Variants in LOXHD1 observed in about 807,000 individuals in gnomAD.
The protein encoded by LOXHD1 is lipoxygenase homology PLAT domains 1.
In LOXHD1, 205 loss-of-function variants were observed where a neutral mutation model predicts 248.2. The ratio of observed to expected loss-of-function variants is 0.83; its 90% CI spans 0.74 to 0.93. LOXHD1 has a LOEUF of 0.93. Ranked by LOEUF, LOXHD1 falls within the 40% of genes least tolerant of loss-of-function variation. The probability of loss-of-function intolerance (pLI) is 0.00; values close to 1 mark genes in which losing one functional copy is unlikely to be tolerated. For synonymous variants in LOXHD1, 1,113 were observed against 1,162.8 expected (o/e 0.96, Z 0.87); for missense variants, 2,930 against 2,971.6 (o/e 0.99, Z 0.33).
intron 28 of LOXHD1, among the ~76,000 whole-genome samples, chr18:46,531,356 C>A (rs946535957): frequency 6.6e-6 from 1 of 152,186 alleles, no homozygotes; most frequent in African/African-American, 2.4e-5. Context: ...TACTGACCTG[C>A]GGTGACATTA....
At chr18:46,565,055 G>A (rs2037610290) in intron 17 of LOXHD1, among the ~76,000 whole-genome samples, 1 of 152,148 alleles carries the variant, frequency 6.6e-6, no homozygotes, top group South Asian at 2.1e-4. Flanking sequence ...CTGGGGGTCA[G>A]GAGTTGGAGA....
Position 46,513,288 on chromosome 18 carries a change from C to G in LOXHD1, c.5400-3473G>C, listed in dbSNP as rs2035071764. On this transcript the variant is annotated intron_variant, in intron 34 of 40. Transcript: ENST00000642948. ...GTGACAGAATTTTCAGATCCATGCTCTGTGGATTGTAGCCCCTGTGGTAGG... is the reference window on the plus strand; with the variant it reads ...GTGACAGAATTTTCAGATCCATGCTGTGTGGATTGTAGCCCCTGTGGTAGG... 2.6e-5 allele frequency among the ~76,000 whole-genome samples: 4 copies of G among 152,234 alleles called. 1 individual carries two copies. In the South Asian group the frequency reaches 8.3e-4, roughly 31 times the overall value.
intron 37 of LOXHD1, among the ~76,000 whole-genome samples, chr18:46,495,385 T>C (rs1335917916): frequency 6.6e-6 from 1 of 152,184 alleles, no homozygotes; most frequent in Non-Finnish European, 1.5e-5. Context: ...TGAGGGACTT[T>C]TTTAACAGAA....
chr18:46,649,365 GCA>G, intron 1 of LOXHD1, 96 bp from the exon 2 acceptor site: 1 of 1,035,280 alleles, frequency 9.7e-7, no homozygotes, highest in Non-Finnish European at 1.4e-6. Flanking sequence ...GGAGGCCCAA[GCA>G]CAAAGGACTC....
intron 33 of LOXHD1, chr18:46,519,022 C>A: frequency 2.0e-6 from 2 of 985,486 alleles, no homozygotes; most frequent in Non-Finnish European, 2.4e-6. Context: ...GAGGGTGAGG[C>A]GCAGCCTGCT....
chr18:46,609,107 C>G (rs1202917459), intron 6 of LOXHD1, among the ~76,000 whole-genome samples: 3 of 152,224 alleles, frequency 2.0e-5, no homozygotes, highest in Non-Finnish European at 4.4e-5. Flanking sequence ...CTTGTCAAAG[C>G]CTTTATCCCC....
chr18:46,633,890 A>G (rs2038859458), intron 4 of LOXHD1, among the ~76,000 whole-genome samples: 2 of 152,278 alleles, frequency 1.3e-5, no homozygotes, highest in South Asian at 4.1e-4. Context: ...ACTAATCATT[A>G]GGGATCATTT....
chr18:46,534,601 T>C (rs1278700761), intron 26 of LOXHD1, 150 bp from the exon 27 acceptor site: 9 of 670,624 alleles, frequency 1.3e-5, no homozygotes, highest in Non-Finnish European at 1.9e-5. Context: ...CCAGCTCCCA[T>C]TGTCCTTGAC....
Position 46,626,083 on chromosome 18 carries a change from T to A in LOXHD1, c.512-7793A>T, listed in dbSNP as rs542759687. 5.3e-5 allele frequency among the ~76,000 whole-genome samples: 8 copies of A among 152,328 alleles called. No individual in the cohort carries two copies. The South Asian group carries it at 1.7e-3, about 32-fold the overall frequency. ...CCTTGAACCAACTATTCAAGCCCTA[T>A]GCATTAGTTTATACTAAGGGAGTAG... On this transcript the variant is annotated intron_variant, in intron 4 of 40. Coordinates refer to ENST00000642948, the MANE Select transcript of LOXHD1 (RefSeq NM_001384474.1).
At chr18:46,570,122 T>A (rs112638150) in intron 15 of LOXHD1, among the ~76,000 whole-genome samples, 2 of 152,296 alleles carry the variant, frequency 1.3e-5, no homozygotes, top group African/African-American at 4.8e-5. Context: ...CAGAATGTCA[T>A]GTGTTTGGTG....
At chr18:46,502,110 A>T (rs2143827506) in intron 37 of LOXHD1, among the ~76,000 whole-genome samples, 2 of 152,376 alleles carry the variant, frequency 1.3e-5, no homozygotes, top group South Asian at 4.1e-4. Flanking sequence ...GCTATTGAGA[A>T]GCAAATGAGG....
At chr18:46,575,136 T>C (rs28399722) in intron 14 of LOXHD1, among the ~76,000 whole-genome samples, 3,859 of 152,176 alleles carry the variant, frequency 0.025, 183 homozygotes, top group African/African-American at 0.087. Flanking sequence ...TCCAACCTCG[T>C]CCCCACCCCT....
intron 2 of LOXHD1, among the ~76,000 whole-genome samples, chr18:46,646,546 C>T (rs991611144): frequency 2.6e-5 from 4 of 152,170 alleles, no homozygotes; most frequent in African/African-American, 9.7e-5. Context: ...TAAGTTGAAA[C>T]TCCACCGGTC....
Position 46,506,030 on chromosome 18 carries a change from G to T in LOXHD1, c.5693-7C>A. On this transcript the variant is annotated splice_region_variant and splice_polypyrimidine_tract_variant and intron_variant, in intron 36 of 40. Transcript: ENST00000642948. ...TTGGCATCAGTGCCTGCTCCTGGGGGGTGCACAAGGTGAGGCTTAGGGTGC... is the reference window on the plus strand; with the variant it reads ...TTGGCATCAGTGCCTGCTCCTGGGGTGTGCACAAGGTGAGGCTTAGGGTGC... 1.3e-6 allele frequency: 2 copies of T among 1,551,904 alleles called. No individual in the cohort carries two copies. Among genetic ancestry groups the T allele is most frequent in the East Asian group, 2.4e-5 (1 of 40,922 alleles).
intron 15 of LOXHD1, among the ~76,000 whole-genome samples, chr18:46,570,548 C>A (rs2037732493): frequency 6.6e-6 from 1 of 152,186 alleles, no homozygotes; most frequent in Non-Finnish European, 1.5e-5. Context: ...TTAGTGCCAC[C>A]CAAGGGCACT....
intron 31 of LOXHD1, 107 bp downstream of exon 31, chr18:46,524,359 G>T: frequency 7.1e-7 from 1 of 1,412,218 alleles, no homozygotes; most frequent in Non-Finnish European, 9.6e-7. Context: ...CTAAGTGTTA[G>T]ATATGTCATC....
Position 46,641,310 on chromosome 18 carries a change from G to A in LOXHD1, c.326+646C>T, listed in dbSNP as rs575908198. ...ACCACAAATGAACATCTGACAATGG[G>A]CATGAACTTGAATAGGGGTGGATGG... is the stretch of plus-strand genomic sequence containing the variant. On this transcript the variant is annotated intron_variant, in intron 3 of 40. Coordinates refer to ENST00000642948, the MANE Select transcript of LOXHD1 (RefSeq NM_001384474.1). Among the ~76,000 whole-genome samples, 7 of 152,300 alleles carry A rather than the reference G, an allele frequency of 4.6e-5. 1 individual carries two copies. The South Asian group carries it at 1.2e-3, about 27-fold the overall frequency.
chr18:46,560,052 T>TGAC, intron 19 of LOXHD1, 31 bp downstream of exon 19: 3 of 441,130 alleles, frequency 6.8e-6, no homozygotes, highest in East Asian at 7.2e-5. Context: ...GGCCACTCCC[T>TGAC]CCCCACCCCC....
At chr18:46,567,829 G>A (rs1176975180) in intron 16 of LOXHD1, among the ~76,000 whole-genome samples, 2 of 152,130 alleles carry the variant, frequency 1.3e-5, no homozygotes, top group African/African-American at 2.4e-5. Context: ...TCAAATATGC[G>A]GTTGGCAGCC....
Sources: allele counts gnomAD v4.1 joint callset (sites outside exome capture counted in the v4.1 genomes callset), GRCh38; gene constraint gnomAD v4.1.1; transcripts MANE v1.5; gene names NCBI Gene and HGNC (gene_info 2026-07-23, HGNC 2026-07-21).